RASAL2: variants seen among roughly 807,000 people sequenced by gnomAD.
The protein encoded by RASAL2 is RAS protein activator like 2, also known as ras GTPase-activating protein nGAP.
RASAL2 carries 58 observed loss-of-function variants against 128.9 expected under a neutral mutation model. That is an observed-to-expected ratio of 0.45 (90% CI 0.36 to 0.56). RASAL2 has a LOEUF of 0.56. Among genes scored for constraint, RASAL2 ranks in the 20% least tolerant of loss-of-function variants. The pLI is 0.00. For missense variants in RASAL2, 1,360 were observed against 1,601.6 expected (o/e 0.85, Z 2.57); for synonymous variants, 561 against 580.8 (o/e 0.97, Z 0.49).
At chr1:178,442,206 A>G (rs1176205433) in intron 7 of RASAL2, among the ~76,000 whole-genome samples, 1 of 152,136 alleles carries the variant, frequency 6.6e-6, no homozygotes, top group Non-Finnish European at 1.5e-5. Flanking sequence ...TCCAAACTGT[A>G]TTATCATTTT....
intron 3 of RASAL2, among the ~76,000 whole-genome samples, chr1:178,308,159 C>G (rs1199199081): frequency 6.6e-6 from 1 of 152,050 alleles, no homozygotes. Flanking sequence ...CTAGAGTCCT[C>G]AAAAACCTAT....
intron 1 of RASAL2, among the ~76,000 whole-genome samples, chr1:178,197,722 T>G (rs1662715104): frequency 6.6e-6 from 1 of 152,210 alleles, no homozygotes. Context: ...TATTATACTT[T>G]AAGTTCTAGG....
chr1:178,384,675 A>AAC (rs1051898433), intron 3 of RASAL2, among the ~76,000 whole-genome samples: 43 of 149,728 alleles, frequency 2.9e-4, no homozygotes, highest in East Asian at 7.8e-4. Context: ...AAAAAAAAAA[A>AAC]ACACACACAC....
At chr1:178,434,380 C>G (rs975849947) in intron 5 of RASAL2, among the ~76,000 whole-genome samples, 7 of 152,028 alleles carry the variant, frequency 4.6e-5, no homozygotes, top group Non-Finnish European at 7.4e-5. Context: ...GTACCAAGTA[C>G]AAAGTAGGTA....
At chr1:178,244,033 C>T (rs954793820) in intron 1 of RASAL2, among the ~76,000 whole-genome samples, 2 of 152,136 alleles carry the variant, frequency 1.3e-5, no homozygotes, top group Admixed American at 6.5e-5. Flanking sequence ...GGAATCTGAG[C>T]ACTTTTCCAA....
At chr1:178,244,405 G>C (rs1571693149) in intron 1 of RASAL2, among the ~76,000 whole-genome samples, 1 of 152,238 alleles carries the variant, frequency 6.6e-6, no homozygotes, top group South Asian at 2.1e-4. Context: ...ACCACGCCCG[G>C]CTAATTTTTG....
chr1:178,171,058 A>G (rs1165857626), intron 1 of RASAL2, among the ~76,000 whole-genome samples: 1 of 151,900 alleles, frequency 6.6e-6, no homozygotes, highest in Non-Finnish European at 1.5e-5. Context: ...ATAATTATTA[A>G]TCAGCAGTCA....
intron 1 of RASAL2, among the ~76,000 whole-genome samples, chr1:178,179,964 G>A (rs1662030730): frequency 6.6e-6 from 1 of 152,140 alleles, no homozygotes; most frequent in South Asian, 2.1e-4. Flanking sequence ...AAAATTTCTT[G>A]TTGTTATAAA....
At chr1:178,297,965 CT>C (rs1425245822) in intron 2 of RASAL2, among the ~76,000 whole-genome samples, 1 of 152,072 alleles carries the variant, frequency 6.6e-6, no homozygotes, top group African/African-American at 2.4e-5. Flanking sequence ...GAAACTACTA[CT>C]TTTTTTCTGC....
chr1:178,471,414 T>G (rs1344405400), intron 17 of RASAL2, among the ~76,000 whole-genome samples: 2 of 152,138 alleles, frequency 1.3e-5, no homozygotes, highest in East Asian at 3.8e-4. Context: ...TAATAATTAT[T>G]TTTTAAAAGC....
chr1:178,200,992 T>C (rs563372546), intron 1 of RASAL2, among the ~76,000 whole-genome samples: 5 of 152,300 alleles, frequency 3.3e-5, no homozygotes, highest in African/African-American at 7.2e-5. Context: ...CCCTGTGAGC[T>C]TCTAGACCTA....
chr1:178,465,709 T>C (rs1190461577), intron 15 of RASAL2, among the ~76,000 whole-genome samples: 1 of 152,070 alleles, frequency 6.6e-6, no homozygotes, highest in Non-Finnish European at 1.5e-5. Context: ...CATTAACATT[T>C]ATGCCAGTTG....
chr1:178,172,322 G>T (rs1026255798), intron 1 of RASAL2, among the ~76,000 whole-genome samples: 6 of 151,442 alleles, frequency 4.0e-5, no homozygotes, highest in East Asian at 2.0e-4. Context: ...AAATGGTGGT[G>T]GTCTCAGTAG....
intron 3 of RASAL2, among the ~76,000 whole-genome samples, chr1:178,353,061 C>T (rs932393516): frequency 1.3e-5 from 2 of 152,214 alleles, no homozygotes; most frequent in Non-Finnish European, 2.9e-5. Flanking sequence ...AGGCCTTTTC[C>T]CTAGTGTCTT....
chr1:178,333,183 C>T (rs527716383), intron 3 of RASAL2, among the ~76,000 whole-genome samples: 1 of 152,216 alleles, frequency 6.6e-6, no homozygotes, highest in East Asian at 1.9e-4. Context: ...CGCCCGCCAC[C>T]GCTCCCGGCT....
chr1:178,102,481 C>T (rs1024446897), intron 1 of RASAL2, among the ~76,000 whole-genome samples: 3 of 152,028 alleles, frequency 2.0e-5, no homozygotes, highest in Non-Finnish European at 2.9e-5. Flanking sequence ...CTCAGCCTCC[C>T]GAATAACTGG....
chr1:178,120,159 G>A (rs1659662544), intron 1 of RASAL2, among the ~76,000 whole-genome samples: 1 of 152,230 alleles, frequency 6.6e-6, no homozygotes, highest in African/African-American at 2.4e-5. Flanking sequence ...AGTGTTGAAG[G>A]TTTGATGGCT....
chr1:178,417,758 TAAA>T (rs35109719), intron 4 of RASAL2, among the ~76,000 whole-genome samples: 2 of 67,864 alleles, frequency 2.9e-5, no homozygotes, highest in African/African-American at 9.5e-5. Context: ...AAACTCCGTC[TAAA>T]AAAAAAAAAA....
intron 4 of RASAL2, among the ~76,000 whole-genome samples, chr1:178,399,201 G>A (rs987769853): frequency 6.6e-6 from 1 of 152,192 alleles, no homozygotes; most frequent in African/African-American, 2.4e-5. Context: ...AGCCACAGCT[G>A]TCACTCTCTG....
Sources: gnomAD v4.1 joint callset for allele counts (sites outside exome capture counted in the v4.1 genomes callset) on GRCh38, gnomAD v4.1.1 for gene constraint, MANE v1.5 for transcripts, NCBI Gene and HGNC (gene_info 2026-07-23, HGNC 2026-07-21) for gene names.